The following EML4 variants were observed in gnomAD, a reference collection of about 807,000 sequenced individuals.
EML4 encodes the protein echinoderm microtubule-associated protein-like 4.
EML4 carries 72 observed loss-of-function variants against 129.0 expected under a neutral mutation model. The ratio of observed to expected loss-of-function variants is 0.56; its 90% CI spans 0.46 to 0.68. The LOEUF (loss-of-function observed/expected upper bound fraction) is 0.68. Ranked by LOEUF, EML4 falls within the 30% of genes least tolerant of loss-of-function variation. The pLI is 0.00. For synonymous variants in EML4, 532 were observed against 405.0 expected (o/e 1.31, Z -3.77); for missense variants, 1,363 against 1,190.6 (o/e 1.14, Z -2.13).
At chr2:42,318,993 T>C (rs921549088) in intron 19 of EML4, among the ~76,000 whole-genome samples, 2 of 152,154 alleles carry the variant, frequency 1.3e-5, no homozygotes, top group African/African-American at 4.8e-5. Context: ...CATGAGCCAC[T>C]GCACCTGTCC....
chr2:42,328,148 T>C (rs1286454777), intron 21 of EML4, among the ~76,000 whole-genome samples: 1 of 152,226 alleles, frequency 6.6e-6, no homozygotes, highest in East Asian at 1.9e-4. Flanking sequence ...TTAAAGTATT[T>C]TGACTTGTTT....
chr2:42,317,430 G>A lies in EML4; in HGVS notation c.2060G>A (p.Gly687Asp). The change falls in exon 19 of 23, where the codon GGT becomes GAT. Residue 687 changes from glycine to aspartate, a missense_variant. Physicochemically the swap from Gly to Asp is moderately conservative, Grantham distance 94. Coordinates refer to ENST00000318522, the MANE Select transcript of EML4 (RefSeq NM_019063.5). ...QLSVMRYSID[G>D]TFLAVGSHDN... ...ACACTGACCTATTTTATTCTAGATGGTACCTTCCTGGCTGTAGGATCTCAT... is the reference window on the plus strand; with the variant it reads ...ACACTGACCTATTTTATTCTAGATGATACCTTCCTGGCTGTAGGATCTCAT... 1.2e-6 allele frequency: 2 copies of A among 1,603,364 alleles called. No individual in the cohort carries two copies. Among genetic ancestry groups the A allele is most frequent in the Non-Finnish European group, 1.7e-6 (2 of 1,172,304 alleles).
At chr2:42,222,372 T>C (rs973370784) in intron 1 of EML4, among the ~76,000 whole-genome samples, 3 of 152,156 alleles carry the variant, frequency 2.0e-5, no homozygotes, top group African/African-American at 4.8e-5. Flanking sequence ...TTTATATTTT[T>C]AAATGGTTGG....
chr2:42,294,712 T>G (rs536661048), intron 11 of EML4, among the ~76,000 whole-genome samples: 2 of 151,600 alleles, frequency 1.3e-5, no homozygotes, highest in African/African-American at 2.4e-5. Flanking sequence ...AAAAAAAAAT[T>G]GTTGCGTGAA....
intron 19 of EML4, among the ~76,000 whole-genome samples, chr2:42,322,323 G>T (rs1180883003): frequency 6.6e-6 from 1 of 152,210 alleles, no homozygotes; most frequent in Non-Finnish European, 1.5e-5. Flanking sequence ...AACCACAGGG[G>T]ACTAGTTGCT....
intron 1 of EML4, among the ~76,000 whole-genome samples, chr2:42,214,593 G>A (rs1226298651): frequency 6.6e-6 from 1 of 152,106 alleles, no homozygotes; most frequent in African/African-American, 2.4e-5. Flanking sequence ...CAACAATTTT[G>A]TTGTTATATC....
chr2:42,249,364 A>G (rs1473507056), intron 2 of EML4, among the ~76,000 whole-genome samples: 1 of 152,024 alleles, frequency 6.6e-6, no homozygotes, highest in South Asian at 2.1e-4. Flanking sequence ...GAAAATGATC[A>G]TTATCATCTT....
chr2:42,242,432 A>G (rs1044172350), intron 1 of EML4, among the ~76,000 whole-genome samples: 7 of 152,210 alleles, frequency 4.6e-5, no homozygotes, highest in Non-Finnish European at 8.8e-5. Context: ...TGAAGGGCCA[A>G]GGCTTCAGAG....
At chr2:42,192,701 A>T (rs967757686) in intron 1 of EML4, among the ~76,000 whole-genome samples, 2 of 152,204 alleles carry the variant, frequency 1.3e-5, no homozygotes, top group African/African-American at 4.8e-5. Context: ...CAGACATTAA[A>T]GCATGAAGGA....
intron 8 of EML4, 118 bp downstream of exon 8, chr2:42,283,090 A>T: frequency 8.3e-6 from 8 of 959,966 alleles, no homozygotes; most frequent in South Asian, 1.8e-5. Flanking sequence ...TAAAAATATT[A>T]TGGGTCATCT....
At chr2:42,266,218 T>C (rs1321670813) in intron 6 of EML4, among the ~76,000 whole-genome samples, 6 of 152,348 alleles carry the variant, frequency 3.9e-5, no homozygotes, top group African/African-American at 1.4e-4. Flanking sequence ...AAGTTGAATT[T>C]TGCTGGCATT....
chr2:42,277,421 G>C (rs906053116), intron 6 of EML4, among the ~76,000 whole-genome samples: 2 of 152,180 alleles, frequency 1.3e-5, no homozygotes, highest in Non-Finnish European at 2.9e-5. Flanking sequence ...CCCACTCTTA[G>C]ATTCAGAAGT....
intron 1 of EML4, among the ~76,000 whole-genome samples, chr2:42,244,397 A>G (rs754994418): frequency 4.6e-5 from 7 of 152,142 alleles, no homozygotes; most frequent in Non-Finnish European, 8.8e-5. Flanking sequence ...GCGCCCAGCC[A>G]GCAATTGATG....
chr2:42,240,409 G>C (rs1674948337), intron 1 of EML4, among the ~76,000 whole-genome samples: 1 of 152,070 alleles, frequency 6.6e-6, no homozygotes, highest in Admixed American at 6.5e-5. Context: ...ACTTCTTTCT[G>C]TGTACATTAT....
At chr2:42,315,085 A>G (rs769953567) in intron 17 of EML4, among the ~76,000 whole-genome samples, 5 of 151,742 alleles carry the variant, frequency 3.3e-5, no homozygotes, top group East Asian at 1.9e-4. Flanking sequence ...ATGGCTTGCT[A>G]CTGTTCCCTC....
At position 42,169,505 on chromosome 2, in the gene EML4, G is replaced by A; in HGVS notation, c.-107G>A. 7.4e-7 allele frequency: 1 copy of A among 1,352,206 alleles called. No individual in the cohort carries two copies. Among genetic ancestry groups the A allele is most frequent in the Non-Finnish European group, 9.9e-7 (1 of 1,010,700 alleles). The allele number at this position is 1,352,206 out of a possible 1,614,324, so 83.8% of individuals were successfully genotyped here. On this transcript the variant is annotated 5_prime_UTR_variant, in exon 1 of 23. Coordinates refer to ENST00000318522, the MANE Select transcript of EML4 (RefSeq NM_019063.5). ...GAGGCGGGAGCCGGTAGCCGAGCCG[G>A]GCGACCTAGAGAACGAGCGGGTCAG...
intron 10 of EML4, among the ~76,000 whole-genome samples, chr2:42,287,178 G>A (rs1667353925): frequency 6.6e-6 from 1 of 152,150 alleles, no homozygotes. Context: ...GTGGGACATG[G>A]AGGAAAGGAC....
At chr2:42,282,644 T>C (rs1189529371) in intron 7 of EML4, among the ~76,000 whole-genome samples, 179 bp from the exon 8 acceptor site, 2 of 152,142 alleles carry the variant, frequency 1.3e-5, no homozygotes, top group African/African-American at 4.8e-5. Context: ...CCTCCCACCT[T>C]GGCCTCCTGA....
At chr2:42,198,720 G>C (rs976461410) in intron 1 of EML4, among the ~76,000 whole-genome samples, 2 of 152,168 alleles carry the variant, frequency 1.3e-5, no homozygotes, top group Non-Finnish European at 2.9e-5. Context: ...TGAGGATTTG[G>C]AATAGTTATT....
Sources: allele counts gnomAD v4.1 joint callset (sites outside exome capture counted in the v4.1 genomes callset), GRCh38; gene constraint gnomAD v4.1.1; transcripts MANE v1.5; gene names NCBI Gene and HGNC (gene_info 2026-07-23, HGNC 2026-07-21).